DNAJB6: variants seen among roughly 807,000 people sequenced by gnomAD.
DNAJB6 encodes the protein dnaJ homolog subfamily B member 6.
DNAJB6 carries 16 observed loss-of-function variants against 42.7 expected under a neutral mutation model. That is an observed-to-expected ratio of 0.37 (90% CI 0.25 to 0.57). DNAJB6 has a LOEUF of 0.57. DNAJB6 is among the 20% of genes least tolerant of loss of function. DNAJB6 has a pLI of 0.74. For synonymous variants in DNAJB6, 170 were observed against 163.5 expected (o/e 1.04, Z -0.30); for missense variants, 347 against 416.8 (o/e 0.83, Z 1.46).
At chr7:157,355,275 C>G (rs549013745) in intron 1 of DNAJB6, among the ~76,000 whole-genome samples, 100 of 152,346 alleles carry the variant, frequency 6.6e-4, no homozygotes, top group Middle Eastern at 3.4e-3. Flanking sequence ...GTTCTCCTGC[C>G]TCACCATCCC....
At chr7:157,408,886 A>G (rs1406052982) in intron 8 of DNAJB6, among the ~76,000 whole-genome samples, 2 of 152,312 alleles carry the variant, frequency 1.3e-5, no homozygotes, top group East Asian at 3.9e-4. Flanking sequence ...CTTGCTTTAC[A>G]TCTGCGCAGG....
In DNAJB6 at chr7:157,409,992, T is replaced by C. The variant is rs888566321; in HGVS notation, c.889T>C (p.Ser297Pro). ...RAPGPWDPLA[S>P]AAGLKEGGKR... ...ACCCGGGCCCTGGGACCCCCTCGCG[T>C]CCGCAGCAGGTGTGCAAAGGGAGGC... The change falls in exon 9 of 10, where the codon TCC becomes CCC. Residue 297 changes from serine (S) to proline (P), a missense_variant. By Grantham distance (74) the Ser-to-Pro change is moderately conservative. This residue lies in a region of DNAJB6 where 264 missense variants were observed against 288.0 expected (regional missense o/e 0.92). Transcript: ENST00000262177. The C allele has an allele frequency of 3.9e-6, 6 of 1,531,014 alleles. No individual in the cohort carries two copies. Among genetic ancestry groups the C allele is most frequent in the African/African-American group, 1.4e-5 (1 of 72,926 alleles). 94.8% of individuals were successfully genotyped at this position (1,531,014 alleles called of 1,614,324 possible).
chr7:157,390,382 T>C (rs1326652059), intron 8 of DNAJB6, among the ~76,000 whole-genome samples: 1 of 152,228 alleles, frequency 6.6e-6, no homozygotes, highest in Non-Finnish European at 1.5e-5. Context: ...CGCGTCCTTT[T>C]CTGCCCTGTT....
At chr7:157,343,979 T>TC (rs1413667020) in intron 1 of DNAJB6, among the ~76,000 whole-genome samples, 11 of 152,202 alleles carry the variant, frequency 7.2e-5, no homozygotes, top group Admixed American at 7.2e-4. Flanking sequence ...AAAAGTTTTC[T>TC]ATGGCTTCCT....
At position 157,372,733 on chromosome 7, in the gene DNAJB6, G is replaced by C. The variant is rs73503281; in HGVS notation, c.346+5250G>C. The stretch of plus-strand genomic sequence containing the variant: ...GAGTTTGATCCGTACCACAAACCGG[G>C]GGCTTAAACTACCAAAATGTACCAT... On this transcript the variant is annotated intron_variant, in intron 5 of 9. Coordinates refer to ENST00000262177, the MANE Select transcript of DNAJB6 (RefSeq NM_058246.4). Among the ~76,000 whole-genome samples, 752 of 152,188 alleles carry C rather than the reference G, an allele frequency of 4.9e-3. 5 individuals carry two copies. Among genetic ancestry groups the C allele is most frequent in the African/African-American group, 0.017 (720 of 41,516 alleles).
chr7:157,361,924 A>G (rs1799623000), intron 2 of DNAJB6, among the ~76,000 whole-genome samples: 1 of 152,048 alleles, frequency 6.6e-6, no homozygotes, highest in African/African-American at 2.4e-5. Context: ...GCGTGCCTTC[A>G]TGTCCGGCTT....
At chr7:157,364,858 T>G (rs1563124178) in intron 3 of DNAJB6, among the ~76,000 whole-genome samples, 1 of 152,200 alleles carries the variant, frequency 6.6e-6, no homozygotes, top group Non-Finnish European at 1.5e-5. Context: ...CAAAACATGG[T>G]CATTGTTCTT....
chr7:157,345,142 C>T (rs1453745573), intron 1 of DNAJB6, among the ~76,000 whole-genome samples: 6 of 151,500 alleles, frequency 4.0e-5, no homozygotes, highest in East Asian at 1.9e-4. Context: ...TACAGGCGCC[C>T]GCCACCACAC....
chr7:157,409,362 C>T (rs1031555404), intron 8 of DNAJB6, among the ~76,000 whole-genome samples: 1 of 152,114 alleles, frequency 6.6e-6, no homozygotes, highest in Non-Finnish European at 1.5e-5. Context: ...CAGCACGAGG[C>T]GGAGAGGGGA....
chr7:157,410,175 G>A, intron 9 of DNAJB6, 174 bp downstream of exon 9: 1 of 1,387,026 alleles, frequency 7.2e-7, no homozygotes, highest in Non-Finnish European at 9.3e-7. Context: ...CGCTCGCGGC[G>A]CCCCACGCCA....
At chr7:157,379,482 C>T (rs1264836592) in intron 5 of DNAJB6, 4 of 152,276 alleles carry the variant, frequency 2.6e-5, no homozygotes, top group Non-Finnish European at 4.4e-5. Context: ...GTGAGACTGG[C>T]CACATGAGTG....
rs997668303 is a variant in DNAJB6, at chr7:157,353,253, T to G, written c.-26-5294T>G. ...CAGTTTGGTTTCTGTGTCCTTTTGA[T>G]GTACACTTCGTCTTTTTGAAGTTTT... On this transcript the variant is annotated intron_variant, in intron 1 of 9. Transcript: ENST00000262177. Among the ~76,000 whole-genome samples, 6 of 152,050 alleles carry G rather than the reference T, an allele frequency of 3.9e-5. No homozygotes were observed. The South Asian group carries it at 1.2e-3, about 31-fold the overall frequency.
intron 3 of DNAJB6, among the ~76,000 whole-genome samples, chr7:157,364,289 G>C (rs1799744580): frequency 6.6e-6 from 1 of 152,024 alleles, no homozygotes; most frequent in Non-Finnish European, 1.5e-5. Context: ...CACCAGCCTT[G>C]CTTTCTCTGG....
intron 1 of DNAJB6, among the ~76,000 whole-genome samples, chr7:157,354,216 C>T (rs760899978): frequency 6.6e-6 from 1 of 152,030 alleles, no homozygotes; most frequent in East Asian, 1.9e-4. Flanking sequence ...GGTGCGATCT[C>T]GGCTCACCGC....
At chr7:157,394,822 C>T (rs1801506648) in intron 8 of DNAJB6, among the ~76,000 whole-genome samples, 3 of 152,318 alleles carry the variant, frequency 2.0e-5, no homozygotes, top group Middle Eastern at 3.4e-3. Flanking sequence ...GTGGGCCAGA[C>T]GTGGTGGCTT....
At chr7:157,369,895 C>T (rs1334609490) in intron 5 of DNAJB6, among the ~76,000 whole-genome samples, 2 of 146,146 alleles carry the variant, frequency 1.4e-5, no homozygotes, top group African/African-American at 2.6e-5. Flanking sequence ...CCCTTCTCAA[C>T]ATTATTATTA....
intron 8 of DNAJB6, among the ~76,000 whole-genome samples, chr7:157,397,288 T>C (rs983266205): frequency 6.6e-6 from 1 of 152,196 alleles, no homozygotes. Context: ...CTTGAACCTC[T>C]GTTGTGCACC....
intron 1 of DNAJB6, among the ~76,000 whole-genome samples, 166 bp from the exon 2 acceptor site, chr7:157,358,381 A>G (rs917145506): frequency 6.6e-6 from 1 of 152,136 alleles, no homozygotes; most frequent in African/African-American, 2.4e-5. Context: ...TTCCCAGACA[A>G]GGTCTTGGCC....
intron 1 of DNAJB6, among the ~76,000 whole-genome samples, chr7:157,347,806 G>T (rs1036551248): frequency 6.6e-6 from 1 of 152,068 alleles, no homozygotes; most frequent in African/African-American, 2.4e-5. Flanking sequence ...TTATTTATTT[G>T]TTTTTTTGAG....
Sources: allele counts gnomAD v4.1 joint callset (sites outside exome capture counted in the v4.1 genomes callset), GRCh38; gene constraint gnomAD v4.1.1; regional missense constraint gnomAD v4.1.1; transcripts MANE v1.5; gene names NCBI Gene and HGNC (gene_info 2026-07-23, HGNC 2026-07-21).